Variants in GPC1 observed in about 807,000 individuals in gnomAD.
The protein encoded by GPC1 is glypican-1.
Under a neutral mutation model 51.5 loss-of-function variants are expected in GPC1, and 26 were observed. The observed-to-expected ratio is 0.50, with a 90% CI of 0.37 to 0.70. The LOEUF (loss-of-function observed/expected upper bound fraction) is 0.70, where lower values mean the gene tolerates loss of function less well. Among genes scored for constraint, GPC1 ranks in the 30% least tolerant of loss-of-function variants. The probability of loss-of-function intolerance (pLI) is 0.00; values close to 1 mark genes in which losing one functional copy is unlikely to be tolerated. For missense variants in GPC1, 775 were observed against 800.5 expected (o/e 0.97, Z 0.38); for synonymous variants, 380 against 348.3 (o/e 1.09, Z -1.01).
chr2:240,462,110 C>T, intron 2 of GPC1, 81 bp from the exon 3 acceptor site: 1 of 1,343,470 alleles, frequency 7.4e-7, no homozygotes, highest in East Asian at 2.5e-5. Context: ...AGCTGAGTCT[C>T]CCGGGCTGAG....
chr2:240,447,222 G>A (rs923947827), intron 1 of GPC1, among the ~76,000 whole-genome samples: 4 of 152,128 alleles, frequency 2.6e-5, no homozygotes, highest in African/African-American at 7.2e-5. Flanking sequence ...TTGAGGTGTC[G>A]TAGATGACCC....
intron 1 of GPC1, among the ~76,000 whole-genome samples, chr2:240,439,284 C>T (rs1225719352): frequency 6.6e-6 from 1 of 152,152 alleles, no homozygotes; most frequent in African/African-American, 2.4e-5. Flanking sequence ...CCTGGCTGTG[C>T]TGGGTGGGGA....
chr2:240,460,399 G>A (rs1236129410), intron 2 of GPC1, among the ~76,000 whole-genome samples: 1 of 152,058 alleles, frequency 6.6e-6, no homozygotes, highest in Non-Finnish European at 1.5e-5. Flanking sequence ...TAGGGACCCG[G>A]CTCACCTCCT....
intron 1 of GPC1, chr2:240,450,124 C>T (rs1015453150): frequency 2.6e-5 from 9 of 343,326 alleles, no homozygotes; most frequent in Non-Finnish European, 4.0e-5. Context: ...AACTGGCCCC[C>T]GTGCTTTATC....
intron 4 of GPC1, chr2:240,464,371 T>C: frequency 3.9e-6 from 2 of 515,940 alleles, no homozygotes; most frequent in East Asian, 6.9e-5. Context: ...CAGAATGGCC[T>C]CTGTGTATGT....
intron 1 of GPC1, chr2:240,450,757 C>T (rs1259659889): frequency 6.4e-6 from 3 of 469,926 alleles, no homozygotes; most frequent in Non-Finnish European, 1.3e-5. Flanking sequence ...CAGATTCCCC[C>T]CGACATCATT....
intron 2 of GPC1, 30 bp from the exon 3 acceptor site, chr2:240,462,161 G>A (rs1457548152): frequency 7.9e-6 from 12 of 1,527,538 alleles, no homozygotes; most frequent in Non-Finnish European, 1.1e-5. Context: ...GGGAAACATG[G>A]TCCCGATCAC....
chr2:240,453,197 T>C, intron 1 of GPC1: 1 of 191,936 alleles, frequency 5.2e-6, no homozygotes, highest in Non-Finnish European at 1.1e-5. Context: ...CCCATCCCCT[T>C]TCCGCCCCTC....
In GPC1 at chr2:240,466,638, C is replaced by T. The variant is rs951210951; in HGVS notation, c.*348C>T. On this transcript the variant is annotated 3_prime_UTR_variant, in exon 9 of 9. Transcript: ENST00000264039. Reference sequence around the variant, plus strand: ...CTACAGAGGAGGCCTCAAAGCAACCCGCTGGAGCCCACAGCGAGCCTGTGC... The same window carrying T: ...CTACAGAGGAGGCCTCAAAGCAACCTGCTGGAGCCCACAGCGAGCCTGTGC... 7 of 242,814 alleles carry T rather than the reference C, an allele frequency of 2.9e-5. No individual in the cohort carries two copies. Among genetic ancestry groups the T allele is most frequent in the East Asian group, 2.5e-4 (3 of 11,940 alleles). 15.0% of individuals were successfully genotyped at this position (242,814 alleles called of 1,614,324 possible).
chr2:240,450,529 C>G (rs768592319), intron 1 of GPC1: 1 of 459,870 alleles, frequency 2.2e-6, no homozygotes, highest in Non-Finnish European at 4.6e-6. Flanking sequence ...AATGACTCGG[C>G]TTAACCCCCT....
chr2:240,458,189 T>TA, intron 1 of GPC1: 1 of 413,498 alleles, frequency 2.4e-6, no homozygotes, highest in South Asian at 1.7e-5. Context: ...GCACACCCTT[T>TA]AAAAAATGCA....
intron 1 of GPC1, chr2:240,457,542 AG>A (rs1268003426): frequency 2.2e-6 from 1 of 453,358 alleles, no homozygotes; most frequent in Non-Finnish European, 4.7e-6. Flanking sequence ...CCCAGGCCTG[AG>A]GGGTGACTTC....
intron 1 of GPC1, among the ~76,000 whole-genome samples, chr2:240,438,855 G>A (rs2074000521): frequency 6.6e-6 from 1 of 152,208 alleles, no homozygotes; most frequent in Admixed American, 6.5e-5. Context: ...AAGCAGGCCT[G>A]GGTGCCACCA....
In GPC1 at chr2:240,435,955, G is replaced by A. The variant is rs778500540; in HGVS notation, c.37G>A (p.Ala13Thr). ...LRARGWWLLCAAAALVACARG... is the reference protein window; with the variant it reads ...LRARGWWLLCTAAALVACARG... ...GGCCCGAGGCTGGTGGCTGCTATGT[G>A]CGGCCGCAGCGCTGGTCGCCTGCGC... is the stretch of plus-strand genomic sequence containing the variant. Residue 13 changes from alanine (A) to threonine (T), a missense_variant, in exon 1 of 9, where the codon GCG becomes ACG. Ala to Thr is a moderately conservative substitution (Grantham distance 58). Coordinates refer to ENST00000264039, the MANE Select transcript of GPC1 (RefSeq NM_002081.3). 10 of 1,306,934 alleles carry A rather than the reference G, an allele frequency of 7.7e-6. No homozygotes were observed. The highest frequency in any genetic ancestry group is 2.2e-5 in the South Asian group (1 of 45,218). The allele number at this position is 1,306,934 out of a possible 1,614,324, so 81.0% of individuals were successfully genotyped here.
At chr2:240,450,904 C>G in intron 1 of GPC1, 1 of 410,212 alleles carries the variant, frequency 2.4e-6, no homozygotes, top group Non-Finnish European at 5.1e-6. Flanking sequence ...GACTGGAGGC[C>G]AGAGGCTGGG....
intron 1 of GPC1, chr2:240,457,976 C>G: frequency 2.2e-6 from 1 of 464,384 alleles, no homozygotes; most frequent in Non-Finnish European, 4.5e-6. Flanking sequence ...TGTGCCTGAC[C>G]TAGGCCAGCA....
intron 1 of GPC1, chr2:240,450,747 C>A: frequency 2.1e-6 from 1 of 469,506 alleles, no homozygotes; most frequent in South Asian, 1.6e-5. Context: ...CAACACTGGG[C>A]AGATTCCCCC....
chr2:240,460,992 C>A (rs1175814601), intron 2 of GPC1, among the ~76,000 whole-genome samples: 1 of 152,204 alleles, frequency 6.6e-6, no homozygotes, highest in African/African-American at 2.4e-5. Flanking sequence ...TGTCCGCCCC[C>A]CCACCAGCCT....
In GPC1 at chr2:240,462,500, G is replaced by A. The variant is rs545177373; in HGVS notation, c.635G>A (p.Arg212Gln). Reference protein sequence around the residue: ...FGEAPRELRLRATRAFVAARS... With the variant: ...FGEAPRELRLQATRAFVAARS... ...GAGGCCCCGAGAGAGCTGCGCCTGC[G>A]GGCCACCCGTGCCTTCGTGGCTGCT... The change falls in exon 3 of 9, where the codon CGG becomes CAG. Residue 212 changes from arginine to glutamine, a missense_variant. Physicochemically the swap from Arg to Gln is conservative, Grantham distance 43. Transcript: ENST00000264039. The A allele has an allele frequency of 2.5e-5, 40 of 1,595,060 alleles. 1 individual carries two copies. Among genetic ancestry groups the A allele is most frequent in the East Asian group, 2.5e-4 (11 of 44,482 alleles).
Sources: gnomAD v4.1 joint callset for allele counts (sites outside exome capture counted in the v4.1 genomes callset) on GRCh38, gnomAD v4.1.1 for gene constraint, MANE v1.5 for transcripts, NCBI Gene and HGNC (gene_info 2026-07-23, HGNC 2026-07-21) for gene names.